The following SFR1 variants were observed in gnomAD, a reference collection of about 807,000 sequenced individuals.
The protein encoded by SFR1 is swi5-dependent recombination DNA repair protein 1 homolog.
A neutral mutation model predicts 26.2 loss-of-function variants in SFR1; 24 were observed. The ratio of observed to expected loss-of-function variants is 0.92; its 90% CI spans 0.66 to 1.29. The LOEUF (loss-of-function observed/expected upper bound fraction) is 1.29. SFR1 is among the 50% of genes most tolerant of loss of function. The pLI, the probability that SFR1 is intolerant of heterozygous loss-of-function variation, is 0.00. For synonymous variants in SFR1, 77 were observed against 96.6 expected (o/e 0.80, Z 1.19); for missense variants, 276 against 270.2 (o/e 1.02, Z -0.15).
chr10:104,125,383 C>A, intron 3 of SFR1, 130 bp from the exon 4 acceptor site: 3 of 660,690 alleles, frequency 4.5e-6, no homozygotes, highest in Non-Finnish European at 7.7e-6. Flanking sequence ...CTACTTTTTC[C>A]TAGATAGAAG....
In SFR1 at chr10:104,122,676, C is replaced by CT. The variant is rs2086978192; in HGVS notation, c.14-287dup. ...TATCTAAAGCTGTTATTCTTCCCTA[C>CT]TTCCAAGGCAGAATTTGAATATATT... On this transcript the variant is annotated intron_variant, in intron 1 of 3. Transcript: ENST00000369727. The CT allele has an allele frequency of 5.2e-6, 7 of 1,351,658 alleles. No homozygotes were observed. The South Asian group carries it at 9.5e-5, about 18-fold the overall frequency. The allele number at this position is 1,351,658 out of a possible 1,614,324, so 83.7% of individuals were successfully genotyped here. A position where few individuals can be genotyped will look rare whatever the true frequency, so the allele number is the denominator to read the frequency against.
rs1404535857 is a variant in SFR1 at position 104,123,870 on chromosome 10, T to A, written c.292T>A (p.Phe98Ile). 1.9e-6 allele frequency: 3 copies of A among 1,613,174 alleles called. No homozygotes were observed. The Admixed American group carries it at 5.0e-5, about 27-fold the overall frequency. ...TTCCACAGAGGAAAACTGTTTGGAA[T>A]TTCAAGAAAGTTTTAAACATATAGA... ...ASSTEENCLE[F>I]QESFKHIDSE... The change falls in exon 3 of 4, where the codon TTT becomes ATT. Residue 98 changes from phenylalanine to isoleucine, a missense_variant. By Grantham distance (21) the Phe-to-Ile change is conservative. Transcript: ENST00000369727.
chr10:104,122,193 G>C lies in SFR1; in HGVS notation c.10G>C (p.Gly4Arg). Reference sequence around the variant, plus strand: ...TTTGCTCTCGCTGGGAATGGCGGAGGGAGGTACCCTGCTGAGGGGAAGGGG... The same window carrying C: ...TTTGCTCTCGCTGGGAATGGCGGAGCGAGGTACCCTGCTGAGGGGAAGGGG... MAE[G>R]EKNQDFTFKM... The change falls in exon 1 of 4, where the codon GGA becomes CGA. Residue 4 changes from glycine (G) to arginine (R), a missense_variant. Gly to Arg is a moderately radical substitution (Grantham distance 125). Transcript: ENST00000369727. 6.5e-7 allele frequency: 1 copy of C among 1,546,644 alleles called. No individual in the cohort carries two copies. The highest frequency in any genetic ancestry group is 1.2e-5 in the South Asian group (1 of 83,956).
Sources: gnomAD v4.1 joint callset for allele counts on GRCh38, gnomAD v4.1.1 for gene constraint, MANE v1.5 for transcripts, NCBI Gene and HGNC (gene_info 2026-07-23, HGNC 2026-07-21) for gene names.